RBM34: variants seen among roughly 807,000 people sequenced by gnomAD.
RBM34 encodes the protein RNA binding motif protein 34, also known as RNA-binding protein 34.
A neutral mutation model predicts 44.6 loss-of-function variants in RBM34; 39 were observed. The ratio of observed to expected loss-of-function variants is 0.87; its 90% CI spans 0.68 to 1.14. The LOEUF (loss-of-function observed/expected upper bound fraction) is 1.14, where lower values mean the gene tolerates loss of function less well. Among genes scored for constraint, RBM34 ranks in the 50% most tolerant of loss-of-function variants. The pLI is 0.00. For synonymous variants in RBM34, 194 were observed against 184.0 expected, an observed-to-expected ratio of 1.05 and a Z score of -0.44; for missense variants, 572 against 517.9, an observed-to-expected ratio of 1.10 and a Z score of -1.01.
Position 235,160,606 on chromosome 1 carries a change from A to T in RBM34, c.270T>A (p.Ser90Arg). Residue 90 changes from serine to arginine, a missense_variant, in exon 3 of 11, where the codon AGT becomes AGA. Ser to Arg is a moderately radical substitution (Grantham distance 110). Transcript: ENST00000408888. ...KKTKRNEEEESTSQIERPLSQ... is the reference protein window; with the variant it reads ...KKTKRNEEEERTSQIERPLSQ... Reference sequence around the variant, plus strand: ...AAAGTGGTCTTTCAATCTGGGATGTACTTTCTTCCTCCTCATTCCGTTTCG... The same window carrying T: ...AAAGTGGTCTTTCAATCTGGGATGTTCTTTCTTCCTCCTCATTCCGTTTCG... The T allele has an allele frequency of 6.2e-7, 1 of 1,613,558 alleles. No individual in the cohort carries two copies. The highest frequency in any genetic ancestry group is 8.5e-7 in the Non-Finnish European group (1 of 1,179,824).
intron 9 of RBM34, 121 bp from the exon 10 acceptor site, chr1:235,135,891 CT>C: frequency 8.2e-7 from 1 of 1,218,710 alleles, no homozygotes; most frequent in South Asian, 1.4e-5. Flanking sequence ...ATATTGCACA[CT>C]TTTTAGTACA....
intron 5 of RBM34, among the ~76,000 whole-genome samples, chr1:235,150,984 G>C (rs1662136047): frequency 6.6e-6 from 1 of 152,206 alleles, no homozygotes; most frequent in Non-Finnish European, 1.5e-5. Context: ...GGCAGGGAAA[G>C]AGGTAAGGGT....
At position 235,135,714 on chromosome 1, in the gene RBM34, C is replaced by G; in HGVS notation, c.946G>C (p.Val316Leu). 6.2e-7 allele frequency: 1 copy of G among 1,614,202 alleles called. No homozygotes were observed. Among genetic ancestry groups the G allele is most frequent in the Non-Finnish European group, 8.5e-7 (1 of 1,180,048 alleles). Residue 316 changes from valine (V) to leucine (L), a missense_variant, in exon 10 of 11, where the codon GTG (valine) becomes CTG (leucine). Physicochemically the swap from Val to Leu is conservative, Grantham distance 32. Coordinates refer to ENST00000408888, the MANE Select transcript of RBM34 (RefSeq NM_015014.4). ...HFLDCGSIMA[V>L]RIVRDKMTGI... ...GTCATTTTGTCTCTCACAATCCTCA[C>G]GGCCATGATACTTCCACAGTCCAGA... is the stretch of plus-strand genomic sequence containing the variant.
chr1:235,134,916 G>T (rs1379731853), intron 10 of RBM34, among the ~76,000 whole-genome samples: 2 of 148,624 alleles, frequency 1.3e-5, no homozygotes, highest in Non-Finnish European at 3.0e-5. Flanking sequence ...AGCTAATTTT[G>T]TATTTTTAGT....
At chr1:235,153,976 G>A (rs1662282108) in intron 4 of RBM34, among the ~76,000 whole-genome samples, 3 of 152,170 alleles carry the variant, frequency 2.0e-5, no homozygotes, top group Admixed American at 2.0e-4. Context: ...GCTGGGTGCG[G>A]TTGCTCATGC....
chr1:235,156,616 T>A, intron 3 of RBM34: 1 of 455,738 alleles, frequency 2.2e-6, no homozygotes. Context: ...TGTGAAACGG[T>A]AAATACAATA....
chr1:235,132,276 T>C (rs1404210660), intron 10 of RBM34, among the ~76,000 whole-genome samples: 5 of 152,200 alleles, frequency 3.3e-5, no homozygotes, highest in African/African-American at 1.2e-4. Flanking sequence ...AATGAGGTTC[T>C]AGACTAGATT....
intron 6 of RBM34, among the ~76,000 whole-genome samples, chr1:235,143,683 A>G (rs993157662): frequency 2.0e-5 from 3 of 152,172 alleles, no homozygotes; most frequent in African/African-American, 4.8e-5. Context: ...GGTTGCAATT[A>G]GCCGAGATGG....
intron 6 of RBM34, among the ~76,000 whole-genome samples, chr1:235,144,499 T>TAAAA (rs67277220): frequency 4.2e-4 from 55 of 132,226 alleles, no homozygotes; most frequent in African/African-American, 6.6e-4. Flanking sequence ...CTTAATAAAC[T>TAAAA]AAAAAAAAAA....
intron 3 of RBM34, among the ~76,000 whole-genome samples, chr1:235,159,331 C>T (rs1268936115): frequency 6.6e-6 from 1 of 151,840 alleles, no homozygotes; most frequent in Non-Finnish European, 1.5e-5. Flanking sequence ...GCAAGTGGAT[C>T]ATGAGGTCAA....
At chr1:235,144,394 G>A (rs1661815596) in intron 6 of RBM34, among the ~76,000 whole-genome samples, 1 of 151,462 alleles carries the variant, frequency 6.6e-6, no homozygotes, top group African/African-American at 2.4e-5. Context: ...TAAAGTGTTT[G>A]GTATCTGGAC....
At chr1:235,154,152 A>G (rs1286510519) in intron 4 of RBM34, among the ~76,000 whole-genome samples, 1 of 151,988 alleles carries the variant, frequency 6.6e-6, no homozygotes. Context: ...AGGCTGAGGC[A>G]GGAGAAGGGT....
chr1:235,158,533 G>A (rs1299596392), intron 3 of RBM34, among the ~76,000 whole-genome samples: 1 of 151,866 alleles, frequency 6.6e-6, no homozygotes, highest in Non-Finnish European at 1.5e-5. Flanking sequence ...CAGCACCCAG[G>A]TGGTTGAGTT....
chr1:235,140,327 G>A (rs919815591), intron 6 of RBM34, among the ~76,000 whole-genome samples: 1 of 152,136 alleles, frequency 6.6e-6, no homozygotes, highest in Non-Finnish European at 1.5e-5. Context: ...GGCGCTTGCG[G>A]GCCAGCTGGA....
intron 5 of RBM34, among the ~76,000 whole-genome samples, chr1:235,151,475 A>G (rs1166866091): frequency 6.6e-6 from 1 of 152,220 alleles, no homozygotes; most frequent in Non-Finnish European, 1.5e-5. Flanking sequence ...GCACTGTCAA[A>G]GCTTTGGGTA....
At chr1:235,154,395 C>CAA (rs536247710) in intron 4 of RBM34, among the ~76,000 whole-genome samples, 14 of 138,514 alleles carry the variant, frequency 1.0e-4, no homozygotes, top group South Asian at 4.6e-4. Flanking sequence ...AACATAGTCA[C>CAA]AAAAAAAAAA....
intron 6 of RBM34, among the ~76,000 whole-genome samples, chr1:235,142,808 A>G (rs562085155): frequency 6.2e-4 from 93 of 151,088 alleles, no homozygotes; most frequent in African/African-American, 2.0e-3. Flanking sequence ...CACGCTTGTA[A>G]TCCCAGCTAC....
intron 3 of RBM34, among the ~76,000 whole-genome samples, chr1:235,155,800 C>T (rs1662379708): frequency 2.5e-5 from 3 of 120,100 alleles, no homozygotes; most frequent in Middle Eastern, 5.4e-3. Context: ...CCACCATGTC[C>T]AGTCTTTTAT....
intron 6 of RBM34, among the ~76,000 whole-genome samples, chr1:235,146,429 G>A (rs1661910880): frequency 6.6e-6 from 1 of 152,080 alleles, no homozygotes; most frequent in Non-Finnish European, 1.5e-5. Context: ...GTACTAAGCA[G>A]AAAAAGGGAA....
Sources: allele counts gnomAD v4.1 joint callset (sites outside exome capture counted in the v4.1 genomes callset), GRCh38; gene constraint gnomAD v4.1.1; transcripts MANE v1.5; gene names NCBI Gene and HGNC (gene_info 2026-07-23, HGNC 2026-07-21).